PXDNL: variants seen among roughly 807,000 people sequenced by gnomAD.
PXDNL encodes the protein probable oxidoreductase PXDNL.
Under a neutral mutation model 150.8 loss-of-function variants are expected in PXDNL, and 145 were observed. The observed-to-expected ratio is 0.96, with a 90% CI of 0.84 to 1.10. PXDNL has a LOEUF of 1.10. PXDNL is among the 50% of genes least tolerant of loss of function. The pLI, the probability that PXDNL is intolerant of heterozygous loss-of-function variation, is 0.00. For synonymous variants in PXDNL, 757 were observed against 725.7 expected, an observed-to-expected ratio of 1.04 and a Z score of -0.69; for missense variants, 2,087 against 1,873.9, an observed-to-expected ratio of 1.11 and a Z score of -2.10.
chr8:51,533,368 C>G (rs1811949140), intron 4 of PXDNL, among the ~76,000 whole-genome samples: 1 of 152,036 alleles, frequency 6.6e-6, no homozygotes, highest in Admixed American at 6.5e-5. Flanking sequence ...CCAGGCTGGT[C>G]TTGAACTCCT....
chr8:51,388,814 A>G (rs1807804520), intron 17 of PXDNL, among the ~76,000 whole-genome samples: 1 of 151,908 alleles, frequency 6.6e-6, no homozygotes, highest in South Asian at 2.1e-4. Flanking sequence ...CCAGTTCACT[A>G]TTTTTTTAAT....
At chr8:51,330,559 C>A (rs1354126274) in intron 21 of PXDNL, among the ~76,000 whole-genome samples, 2 of 144,104 alleles carry the variant, frequency 1.4e-5, no homozygotes, top group East Asian at 3.9e-4. Flanking sequence ...GCTCTAGAGG[C>A]TGAAAGTCCA....
chr8:51,413,286 A>C, intron 14 of PXDNL, 28 bp from the exon 15 acceptor site: 1 of 1,385,896 alleles, frequency 7.2e-7, no homozygotes, highest in Non-Finnish European at 1.0e-6. Context: ...ATGATTAAAA[A>C]TATCAAACAG....
chr8:51,604,471 G>A (rs1813798638), intron 2 of PXDNL, among the ~76,000 whole-genome samples: 1 of 152,116 alleles, frequency 6.6e-6, no homozygotes, highest in Non-Finnish European at 1.5e-5. Context: ...GACACAGGAA[G>A]GGGAACATCA....
At chr8:51,332,393 A>C (rs1217089290) in intron 21 of PXDNL, among the ~76,000 whole-genome samples, 1 of 152,056 alleles carries the variant, frequency 6.6e-6, no homozygotes, top group Non-Finnish European at 1.5e-5. Context: ...CAGAAAACCA[A>C]CCCTGGTAAT....
Position 51,478,994 on chromosome 8 carries a change from T to A in PXDNL, c.525-3853A>T, listed in dbSNP as rs186956159. Among the ~76,000 whole-genome samples, 3 of 152,270 alleles carry A rather than the reference T, an allele frequency of 2.0e-5. No homozygotes were observed. The East Asian group carries it at 5.8e-4, about 29-fold the overall frequency. On this transcript the variant is annotated intron_variant, in intron 6 of 22. Coordinates refer to ENST00000356297, the MANE Select transcript of PXDNL (RefSeq NM_144651.5). ...AAACCAAAAAAATCATCTTAAAACA[T>A]TTGGAATAAGCACAGTGCATGCATG...
chr8:51,470,281 G>C (rs1007491953), intron 8 of PXDNL, among the ~76,000 whole-genome samples: 1 of 151,984 alleles, frequency 6.6e-6, no homozygotes, highest in African/African-American at 2.4e-5. Flanking sequence ...TTCTATACAA[G>C]CTATTTTTAA....
chr8:51,375,133 C>G (rs956338444), intron 17 of PXDNL, among the ~76,000 whole-genome samples: 2 of 152,122 alleles, frequency 1.3e-5, no homozygotes, highest in East Asian at 3.8e-4. Context: ...TGAGAAATGT[C>G]CACATCAGTG....
intron 1 of PXDNL, among the ~76,000 whole-genome samples, chr8:51,769,232 T>C (rs890008705): frequency 1.3e-5 from 2 of 152,240 alleles, no homozygotes; most frequent in Admixed American, 6.5e-5. Flanking sequence ...TGGGAAGATA[T>C]GCTAACTGCT....
intron 9 of PXDNL, among the ~76,000 whole-genome samples, chr8:51,455,678 C>T (rs1009260337): frequency 5.9e-5 from 9 of 152,124 alleles, no homozygotes; most frequent in African/African-American, 1.9e-4. Flanking sequence ...AGTAGAAATG[C>T]TCCTGTGTGC....
chr8:51,629,262 A>G (rs1814437443), intron 2 of PXDNL, among the ~76,000 whole-genome samples: 1 of 152,236 alleles, frequency 6.6e-6, no homozygotes, highest in Admixed American at 6.5e-5. Flanking sequence ...GCTGAAAAAT[A>G]CAGTAGCCAA....
chr8:51,763,589 C>T (rs1444939996), intron 1 of PXDNL, among the ~76,000 whole-genome samples: 1 of 152,156 alleles, frequency 6.6e-6, no homozygotes, highest in Non-Finnish European at 1.5e-5. Context: ...CCAGGATGCC[C>T]ACTTGGGCCT....
At chr8:51,505,499 A>T (rs1016761021) in intron 4 of PXDNL, among the ~76,000 whole-genome samples, 7 of 152,330 alleles carry the variant, frequency 4.6e-5, no homozygotes, top group Admixed American at 4.6e-4. Context: ...TCAAAATAGC[A>T]TATACGGTCA....
intron 21 of PXDNL, among the ~76,000 whole-genome samples, chr8:51,324,849 A>T (rs1805435729): frequency 6.6e-6 from 1 of 152,088 alleles, no homozygotes; most frequent in Non-Finnish European, 1.5e-5. Flanking sequence ...AGTGTGTTTG[A>T]AATTGCTCAT....
chr8:51,653,793 C>A (rs367589592), intron 2 of PXDNL, among the ~76,000 whole-genome samples: 1 of 140,566 alleles, frequency 7.1e-6, no homozygotes, highest in African/African-American at 2.4e-5. Flanking sequence ...AAATTGCTAA[C>A]TCTATCATGA....
At chr8:51,656,816 A>G (rs1815159501) in intron 1 of PXDNL, among the ~76,000 whole-genome samples, 1 of 152,160 alleles carries the variant, frequency 6.6e-6, no homozygotes, top group Non-Finnish European at 1.5e-5. Flanking sequence ...ATATATAAAA[A>G]CACATTGTAG....
rs939367446 is a variant in PXDNL at position 51,497,114 on chromosome 8, C to A, written c.452+2585G>T. ...AGAGACCTATGGAACAGAACAGAGCCCTCAGAAATAATGCCGCATATCTAC... is the reference window on the plus strand; with the variant it reads ...AGAGACCTATGGAACAGAACAGAGCACTCAGAAATAATGCCGCATATCTAC... On this transcript the variant is annotated intron_variant, in intron 5 of 22. Transcript: ENST00000356297. 5.9e-5 allele frequency among the ~76,000 whole-genome samples: 9 copies of A among 152,022 alleles called. No individual in the cohort carries two copies. In the East Asian group the frequency reaches 1.7e-3, roughly 29 times the overall value.
At chr8:51,652,415 T>C (rs1815059272) in intron 2 of PXDNL, among the ~76,000 whole-genome samples, 2 of 147,948 alleles carry the variant, frequency 1.4e-5, no homozygotes, top group Non-Finnish European at 3.0e-5. Flanking sequence ...TTACTGTCTG[T>C]CTCTCTGTCT....
intron 21 of PXDNL, among the ~76,000 whole-genome samples, chr8:51,331,536 G>A (rs139971174): frequency 4.1e-4 from 63 of 152,288 alleles, no homozygotes; most frequent in African/African-American, 1.5e-3. Context: ...GGCAGGGGAA[G>A]AACTAAAGCC....
Sources: allele counts gnomAD v4.1 joint callset (sites outside exome capture counted in the v4.1 genomes callset), GRCh38; gene constraint gnomAD v4.1.1; transcripts MANE v1.5; gene names NCBI Gene and HGNC (gene_info 2026-07-23, HGNC 2026-07-21).